Variants in MYOM1 observed in about 807,000 individuals in gnomAD.
MYOM1 encodes the protein myomesin 1.
A neutral mutation model predicts 205.3 loss-of-function variants in MYOM1; 164 were observed. The ratio of observed to expected loss-of-function variants is 0.80; its 90% confidence interval spans 0.70 to 0.91. The LOEUF (loss-of-function observed/expected upper bound fraction) is 0.91. MYOM1 is among the 40% of genes least tolerant of loss of function. The pLI, the probability that MYOM1 is intolerant of heterozygous loss-of-function variation, is 0.00. For synonymous variants in MYOM1, 772 were observed against 789.4 expected (o/e 0.98, Z 0.37); for missense variants, 2,011 against 2,127.3 (o/e 0.95, Z 1.08).
rs1470466725 is a variant in MYOM1 at position 3,219,651 on chromosome 18, C to G, written c.-29+152G>C. Among the ~76,000 whole-genome samples the G allele has an allele frequency of 6.6e-6, 1 of 152,218 alleles. No individual in the cohort carries two copies. The highest frequency in any genetic ancestry group is 1.5e-5 in the Non-Finnish European group (1 of 68,034). The stretch of plus-strand genomic sequence containing the variant: ...GGCACCCGGCTGTTCTGGTTTCCCT[C>G]CCTGGAGCTTCACTTTCCTATTTCT... On this transcript the variant is annotated intron_variant, in intron 1 of 37. Coordinates refer to ENST00000356443, the MANE Select transcript of MYOM1 (RefSeq NM_003803.4). This position sits in a 1 kb window ranked among gnomAD's most constrained non-coding sequence, Gnocchi z 4.4.
chr18:3,140,822 T>C (rs1014143225), intron 14 of MYOM1, among the ~76,000 whole-genome samples: 9 of 152,188 alleles, frequency 5.9e-5, no homozygotes, highest in African/African-American at 2.2e-4. Flanking sequence ...TCTACGATTT[T>C]GCTATGAAAC....
In MYOM1 at chr18:3,085,107, T is replaced by C; in HGVS notation, c.4277A>G (p.Tyr1426Cys). The C allele has an allele frequency of 6.2e-7, 1 of 1,608,358 alleles. No homozygotes were observed. The highest frequency in any genetic ancestry group is 8.5e-7 in the Non-Finnish European group (1 of 1,177,164). Residue 1426 changes from tyrosine to cysteine, a missense_variant, in exon 31 of 38, where the codon TAT becomes TGT. Physicochemically the swap from Tyr to Cys is radical, Grantham distance 194. Coordinates refer to ENST00000356443, the MANE Select transcript of MYOM1 (RefSeq NM_003803.4). ...TEFSKKDAGI[Y>C]EVILKDDRGK... is the part of the protein sequence containing the mutation. ...TCGGTCATCTTTCAGGATAACTTCATAAATCCCAGCATCTTTCTTGGAAAA... is the reference window on the plus strand; with the variant it reads ...TCGGTCATCTTTCAGGATAACTTCACAAATCCCAGCATCTTTCTTGGAAAA...
intron 19 of MYOM1, among the ~76,000 whole-genome samples, chr18:3,125,340 T>C (rs958199041): frequency 3.9e-5 from 6 of 151,944 alleles, no homozygotes; most frequent in African/African-American, 1.5e-4. Context: ...AATACCCAAA[T>C]AGCAATAAGA....
At chr18:3,075,503 G>GATA in intron 35 of MYOM1, 27 bp from the exon 36 acceptor site, 1 of 1,381,624 alleles carries the variant, frequency 7.2e-7, no homozygotes, top group Non-Finnish European at 9.6e-7. Flanking sequence ...CGAACAAACA[G>GATA]ACGAAGAATT....
intron 13 of MYOM1, among the ~76,000 whole-genome samples, chr18:3,148,719 G>A (rs942746374): frequency 2.0e-5 from 3 of 150,948 alleles, no homozygotes; most frequent in South Asian, 2.1e-4. Context: ...AGTGGCGGGC[G>A]CCTGTAGTCC....
At chr18:3,231,344 G>A in the MYOM1 span, among the ~76,000 whole-genome samples, 677 of 152,200 alleles carry the variant, frequency 4.4e-3, 7 homozygotes, top group African/African-American at 0.015. Flanking sequence ...ATGAGGGACC[G>A]CAAACTAAAG....
chr18:3,104,673 G>A (rs2079426937), intron 22 of MYOM1, among the ~76,000 whole-genome samples: 1 of 148,328 alleles, frequency 6.7e-6, no homozygotes, highest in South Asian at 2.2e-4. Context: ...AGGAAAATAA[G>A]CCTCTAATAC....
rs773010867 is a variant in MYOM1 at position 3,189,080 on chromosome 18, G to C, written c.439C>G (p.His147Asp). The change falls in exon 4 of 38, where the codon CAT (histidine) becomes GAT (aspartate). Residue 147 changes from histidine to aspartate, a missense_variant. Coordinates refer to ENST00000356443, the MANE Select transcript of MYOM1 (RefSeq NM_003803.4). This position sits in a 1 kb window ranked among gnomAD's most constrained non-coding sequence, Gnocchi z 4.8. Reference protein sequence around the residue: ...MVPIFSGRQKHVSGITDTEEE... With the variant: ...MVPIFSGRQKDVSGITDTEEE... ...TCCGTATCAGTAATTCCACTGACATGCTTTTGACTAAAACACAACAATGGC... is the reference window on the plus strand; with the variant it reads ...TCCGTATCAGTAATTCCACTGACATCCTTTTGACTAAAACACAACAATGGC... The C allele has an allele frequency of 6.2e-7, 1 of 1,610,378 alleles. No individual in the cohort carries two copies. Among genetic ancestry groups the C allele is most frequent in the Non-Finnish European group, 8.5e-7 (1 of 1,177,762 alleles).
At chr18:3,202,739 C>T (rs1486770780) in intron 2 of MYOM1, among the ~76,000 whole-genome samples, 2 of 152,040 alleles carry the variant, frequency 1.3e-5, no homozygotes, top group Non-Finnish European at 2.9e-5. Context: ...CTCTCAATAA[C>T]TGATAGAACA....
At chr18:3,247,246 G>A in the MYOM1 span, 1 of 152,386 alleles carries the variant, frequency 6.6e-6, no homozygotes, top group Non-Finnish European at 1.5e-5. Flanking sequence ...GTATGGAGGG[G>A]GCGGGACTCT....
intron 6 of MYOM1, among the ~76,000 whole-genome samples, chr18:3,175,382 C>G (rs11877597): frequency 0.04 from 6,148 of 152,116 alleles, 397 homozygotes; most frequent in African/African-American, 0.14. Context: ...TTTCATTGAC[C>G]TAATTAGGTT....
Position 3,113,024 on chromosome 18 carries a change from CAA to C in MYOM1, c.3304-614_3304-613del, listed in dbSNP as rs201929383. On this transcript the variant is annotated intron_variant, in intron 21 of 37. Transcript: ENST00000356443. ...TGAGTTTGAATAATTTGTGAATAAC[CAA>C]AGTGTATTAAAATTCTAAATCCTCA... is the stretch of plus-strand genomic sequence containing the variant. Among the ~76,000 whole-genome samples the C allele has an allele frequency of 1.8e-4, 27 of 152,070 alleles. No homozygotes were observed. In the East Asian group the frequency reaches 5.2e-3, roughly 29 times the overall value.
In MYOM1 at chr18:3,136,971, G is replaced by A. The variant is rs183681551; in HGVS notation, c.2026-1241C>T. On this transcript the variant is annotated intron_variant, in intron 14 of 37. Transcript: ENST00000356443. ...TTCTTTTTTCTTTTTTTTTTTTTGA[G>A]ACGGAGTCTCGCTGGGTCGCCCAGG... Among the ~76,000 whole-genome samples the A allele has an allele frequency of 1.1e-3, 167 of 145,850 alleles. 1 individual carries two copies. The highest frequency in any genetic ancestry group is 4.2e-3 in the African/African-American group (163 of 39,084).
At chr18:3,088,901 T>A (rs930937300) in intron 29 of MYOM1, among the ~76,000 whole-genome samples, 4 of 152,124 alleles carry the variant, frequency 2.6e-5, no homozygotes, top group African/African-American at 9.7e-5. Context: ...AACGTGAGAG[T>A]CTTTGGAGAT....
chr18:3,115,739 A>C (rs2079595592), intron 21 of MYOM1, among the ~76,000 whole-genome samples: 1 of 152,230 alleles, frequency 6.6e-6, no homozygotes, highest in Admixed American at 6.5e-5. Flanking sequence ...ATGGCAGAAC[A>C]GTCTTTGGCC....
At chr18:3,123,409 T>C (rs1335880358) in intron 19 of MYOM1, among the ~76,000 whole-genome samples, 2 of 152,204 alleles carry the variant, frequency 1.3e-5, no homozygotes, top group Non-Finnish European at 1.5e-5. Context: ...AAATATATCG[T>C]CTCTATTAAT....
chr18:3,068,839 T>C (rs1286702797), intron 37 of MYOM1, among the ~76,000 whole-genome samples: 1 of 152,230 alleles, frequency 6.6e-6, no homozygotes, highest in Non-Finnish European at 1.5e-5. Context: ...TACAGGTTTT[T>C]ATGTGAGCAT....
At chr18:3,073,372 AC>A (rs1290124993) in intron 36 of MYOM1, among the ~76,000 whole-genome samples, 1 of 151,878 alleles carries the variant, frequency 6.6e-6, no homozygotes, top group Non-Finnish European at 1.5e-5. Context: ...CACAGCAGCC[AC>A]CTCCCTCTCA....
At chr18:3,128,369 T>G (rs1044028625) in intron 18 of MYOM1, among the ~76,000 whole-genome samples, 3 of 152,144 alleles carry the variant, frequency 2.0e-5, no homozygotes, top group African/African-American at 7.2e-5. Context: ...ATTTAAAAAT[T>G]TATCAGCACA....
Sources: gnomAD v4.1 joint callset for allele counts (sites outside exome capture counted in the v4.1 genomes callset) on GRCh38, gnomAD v4.1.1 for gene constraint, Gnocchi (gnomAD v3.1) non-coding constraint, MANE v1.5 for transcripts, NCBI Gene and HGNC (gene_info 2026-07-23, HGNC 2026-07-21) for gene names.